Variants in VPS13A observed in about 807,000 individuals in gnomAD.
VPS13A encodes the protein intermembrane lipid transfer protein VPS13A.
A neutral mutation model predicts 390.9 loss-of-function variants in VPS13A; 264 were observed. That is an observed-to-expected ratio of 0.68 (90% CI 0.61 to 0.75). The LOEUF (loss-of-function observed/expected upper bound fraction) is 0.75. VPS13A is among the 30% of genes least tolerant of loss of function. The probability of loss-of-function intolerance (pLI) is 0.00; values close to 1 mark genes in which losing one functional copy is unlikely to be tolerated. For missense variants in VPS13A, 3,409 were observed against 3,733.9 expected (o/e 0.91, Z 2.27); for synonymous variants, 1,231 against 1,227.1 (o/e 1.00, Z -0.07).
intron 61 of VPS13A, 48 bp downstream of exon 61, chr9:77,366,920 T>A: frequency 6.3e-7 from 1 of 1,583,104 alleles, no homozygotes; most frequent in Non-Finnish European, 8.6e-7. Flanking sequence ...ATTTCTATTT[T>A]ATATGTCCCT....
At chr9:77,198,254 G>A (rs1401812428) in intron 1 of VPS13A, among the ~76,000 whole-genome samples, 4 of 152,048 alleles carry the variant, frequency 2.6e-5, no homozygotes, top group Non-Finnish European at 5.9e-5. Context: ...TTTTAAAAAT[G>A]TTTCCTCCAG....
At chr9:77,361,576 T>C (rs1309795064) in intron 59 of VPS13A, among the ~76,000 whole-genome samples, 2 of 152,228 alleles carry the variant, frequency 1.3e-5, no homozygotes, top group East Asian at 1.9e-4. Context: ...ACAAAAACTT[T>C]ATTAAAAGTC....
In VPS13A at chr9:77,260,162, A is replaced by T; in HGVS notation, c.2365A>T (p.Ile789Phe). 6.2e-7 allele frequency: 1 copy of T among 1,610,736 alleles called. No homozygotes were observed. Among genetic ancestry groups the T allele is most frequent in the East Asian group, 2.2e-5 (1 of 44,734 alleles). ...AAAACTACAAGGGATTATGGAATTG[A>T]TTGAAAGCATTCCAAAACCTGAACC... ...DKKLQGIMEL[I>F]ESIPKPEPVT... is the part of the protein sequence containing the mutation. The change falls in exon 23 of 72, where the codon ATT (isoleucine) becomes TTT (phenylalanine). Residue 789 changes from isoleucine (I) to phenylalanine (F), a missense_variant. Ile to Phe is a conservative substitution (Grantham distance 21). Around this residue, in one of 5 missense-constraint regions of VPS13A, gnomAD observed 2,717 missense variants for 2,917.4 expected, o/e 0.93. Coordinates refer to ENST00000360280, the MANE Select transcript of VPS13A (RefSeq NM_033305.3).
intron 32 of VPS13A, among the ~76,000 whole-genome samples, chr9:77,294,283 C>A (rs571218073): frequency 3.9e-5 from 6 of 152,122 alleles, no homozygotes; most frequent in Non-Finnish European, 8.8e-5. Context: ...TTAGATTTAA[C>A]CCCTATATGA....
chr9:77,415,585 TTGTG>T (rs1465046129), intron 71 of VPS13A, among the ~76,000 whole-genome samples: 1 of 152,200 alleles, frequency 6.6e-6, no homozygotes, highest in East Asian at 1.9e-4. Context: ...CTCTCTGGAA[TTGTG>T]TGTAAGTATT....
chr9:77,373,746 G>C (rs947236566), intron 67 of VPS13A, among the ~76,000 whole-genome samples: 1 of 151,130 alleles, frequency 6.6e-6, no homozygotes, highest in Non-Finnish European at 1.5e-5. Flanking sequence ...ATCTGACAAA[G>C]GGCTAATATC....
chr9:77,331,963 G>A (rs1167870288), intron 45 of VPS13A, 47 bp from the exon 46 acceptor site: 1 of 1,335,068 alleles, frequency 7.5e-7, no homozygotes, highest in Non-Finnish European at 1.1e-6. Context: ...CACATCTTTA[G>A]ATTCTTAGAT....
chr9:77,409,836 G>A (rs1834829185), intron 71 of VPS13A, among the ~76,000 whole-genome samples: 1 of 151,316 alleles, frequency 6.6e-6, no homozygotes, highest in Non-Finnish European at 1.5e-5. Context: ...ACCTGAAAGT[G>A]ATGGGGAGAA....
At chr9:77,406,038 T>C (rs762647336) in intron 70 of VPS13A, 51 bp downstream of exon 70, 2 of 1,606,030 alleles carry the variant, frequency 1.2e-6, no homozygotes, top group African/African-American at 2.7e-5. Context: ...AAATAATGCT[T>C]TGAAGTAGTC....
chr9:77,312,390 T>C (rs940820799), intron 35 of VPS13A, among the ~76,000 whole-genome samples: 5 of 151,888 alleles, frequency 3.3e-5, no homozygotes, highest in African/African-American at 1.2e-4. Flanking sequence ...GCTATGTAAA[T>C]GGGCAGTGAA....
At chr9:77,329,618 T>C (rs1232030172) in intron 45 of VPS13A, among the ~76,000 whole-genome samples, 1 of 152,170 alleles carries the variant, frequency 6.6e-6, no homozygotes, top group African/African-American at 2.4e-5. Context: ...GATTGAAATA[T>C]TGTGAGAGTT....
chr9:77,209,428 C>A lies in VPS13A; in HGVS notation c.391C>A (p.His131Asn), dbSNP rs1410070778. Residue 131 changes from histidine to asparagine, a missense_variant, in exon 6 of 72, where the codon CAT (histidine) becomes AAT (asparagine). By Grantham distance (68) the His-to-Asn change is moderately conservative (BLOSUM62 1). Coordinates refer to ENST00000360280, the MANE Select transcript of VPS13A (RefSeq NM_033305.3). ...AGGAATATTTGCAATTGTAGAACAA[C>A]ATCTGCCGGAAAAACAGGACACTTT... is the stretch of plus-strand genomic sequence containing the variant. ...AKQKVVDQEQ[H>N]LPEKQDTFAE... 6.2e-7 allele frequency: 1 copy of A among 1,608,528 alleles called. No individual in the cohort carries two copies. The highest frequency in any genetic ancestry group is 2.2e-5 in the East Asian group (1 of 44,674).
intron 31 of VPS13A, among the ~76,000 whole-genome samples, chr9:77,288,074 G>A (rs1827436851): frequency 6.6e-6 from 1 of 152,070 alleles, no homozygotes; most frequent in African/African-American, 2.4e-5. Context: ...TCACTGCACT[G>A]TTTTTCGTTC....
intron 31 of VPS13A, 127 bp from the exon 32 acceptor site, chr9:77,293,214 G>T (rs1475377699): frequency 8.6e-6 from 7 of 814,884 alleles, no homozygotes; most frequent in Non-Finnish European, 1.4e-5. Flanking sequence ...TGCCTCATTT[G>T]TACTTGGCTT....
At position 77,368,035 on chromosome 9, in the gene VPS13A, T is replaced by C. The variant is rs375766978; in HGVS notation, c.8472-20T>C. 17 of 1,600,924 alleles carry C rather than the reference T, an allele frequency of 1.1e-5. No homozygotes were observed. The highest frequency in any genetic ancestry group is 5.4e-5 in the African/African-American group (4 of 74,720). On this transcript the variant is annotated intron_variant, in intron 61 of 71. Transcript: ENST00000360280. ...TCTTCATACACATGTACAGACAATA[T>C]ATTTTTACGCTTTTTTCAGGCTTGC... is the stretch of plus-strand genomic sequence containing the variant.
intron 22 of VPS13A, among the ~76,000 whole-genome samples, chr9:77,259,774 T>G (rs1825651328): frequency 6.6e-6 from 1 of 152,192 alleles, no homozygotes; most frequent in Admixed American, 6.5e-5. Flanking sequence ...TGAGGACTGT[T>G]TACAATAATG....
rs115565315 is a variant in VPS13A at position 77,383,360 on chromosome 9, A to G, written c.9189+1273A>G. Among the ~76,000 whole-genome samples, 922 of 152,138 alleles carry G rather than the reference A, an allele frequency of 6.1e-3. 4 individuals carry two copies. Among genetic ancestry groups the G allele is most frequent in the South Asian group, 9.8e-3 (47 of 4,818 alleles). ...TAAGAGGTTGTGCTCTAATGGACAG[A>G]TTGTGCAGTCTCTACAATGACAGTG... On this transcript the variant is annotated intron_variant, in intron 68 of 71. Coordinates refer to ENST00000360280, the MANE Select transcript of VPS13A (RefSeq NM_033305.3).
chr9:77,381,863 A>C (rs1371277289), intron 67 of VPS13A, 113 bp from the exon 68 acceptor site: 2 of 700,430 alleles, frequency 2.9e-6, no homozygotes, highest in East Asian at 2.8e-5. Flanking sequence ...AAATTAGAGA[A>C]TGTTGTAATA....
At chr9:77,198,848 A>G (rs1466794324) in intron 1 of VPS13A, among the ~76,000 whole-genome samples, 2 of 152,096 alleles carry the variant, frequency 1.3e-5, no homozygotes, top group Non-Finnish European at 2.9e-5. Context: ...CTTTTAGTAG[A>G]GATGGGATTT....
Sources: allele counts gnomAD v4.1 joint callset (sites outside exome capture counted in the v4.1 genomes callset), GRCh38; gene constraint gnomAD v4.1.1; regional missense constraint gnomAD v4.1.1; transcripts MANE v1.5; gene names NCBI Gene and HGNC (gene_info 2026-07-23, HGNC 2026-07-21).